The following NUSAP1 variants were observed in gnomAD, a reference collection of about 807,000 sequenced individuals.
NUSAP1 encodes nucleolar and spindle-associated protein 1.
In NUSAP1, 32 loss-of-function variants were observed where a neutral mutation model predicts 52.8. The observed-to-expected ratio is 0.61, with a 90% CI of 0.46 to 0.81. The LOEUF is 0.81. Among genes scored for constraint, NUSAP1 ranks in the 40% least tolerant of loss-of-function variants. NUSAP1 has a pLI of 0.00. For synonymous variants in NUSAP1, 195 were observed against 183.1 expected (o/e 1.06, Z -0.52); for missense variants, 499 against 522.3 (o/e 0.96, Z 0.43).
intron 1 of NUSAP1, among the ~76,000 whole-genome samples, chr15:41,338,577 C>A (rs2048258715): frequency 6.6e-6 from 1 of 152,190 alleles, no homozygotes; most frequent in Non-Finnish European, 1.5e-5. Flanking sequence ...CCCTATTGGG[C>A]TTCCTGCCTC....
intron 7 of NUSAP1, among the ~76,000 whole-genome samples, chr15:41,370,368 C>T (rs1167191435): frequency 1.3e-5 from 2 of 152,002 alleles, no homozygotes; most frequent in Non-Finnish European, 2.9e-5. Context: ...GGCGACATAG[C>T]GAGACTCCGT....
intron 10 of NUSAP1, among the ~76,000 whole-genome samples, chr15:41,379,333 G>A (rs1182122180): frequency 6.8e-6 from 1 of 146,760 alleles, no homozygotes; most frequent in Non-Finnish European, 1.5e-5. Flanking sequence ...CTTACTTTTT[G>A]TCACCCAGAC....
intron 6 of NUSAP1, 78 bp downstream of exon 6, chr15:41,358,336 C>A: frequency 1.5e-6 from 1 of 676,722 alleles, no homozygotes; most frequent in Non-Finnish European, 2.6e-6. Flanking sequence ...ACCGTGGTTA[C>A]AACAACTGGC....
intron 6 of NUSAP1, among the ~76,000 whole-genome samples, chr15:41,360,235 T>G (rs148952705): frequency 3.2e-4 from 49 of 152,156 alleles, no homozygotes; most frequent in Middle Eastern, 3.4e-3. Context: ...ACCTCCTGGA[T>G]TCAAGTGATT....
intron 2 of NUSAP1, among the ~76,000 whole-genome samples, chr15:41,347,883 G>A (rs897191876): frequency 1.3e-5 from 2 of 151,742 alleles, no homozygotes; most frequent in Non-Finnish European, 2.9e-5. Flanking sequence ...AACATTTTGC[G>A]AGGCCAAGGC....
chr15:41,352,782 G>C (rs191322115), intron 4 of NUSAP1, among the ~76,000 whole-genome samples: 45 of 151,892 alleles, frequency 3.0e-4, no homozygotes, highest in African/African-American at 9.9e-4. Context: ...GTCTCAAACT[G>C]CTGAGCTCAA....
intron 8 of NUSAP1, among the ~76,000 whole-genome samples, chr15:41,373,277 C>T (rs930394333): frequency 2.0e-5 from 3 of 151,514 alleles, no homozygotes; most frequent in Non-Finnish European, 4.4e-5. Flanking sequence ...GCCTGTAATC[C>T]CAGCTACTCA....
intron 2 of NUSAP1, among the ~76,000 whole-genome samples, chr15:41,348,842 C>T (rs1191081461): frequency 6.6e-6 from 1 of 151,452 alleles, no homozygotes; most frequent in African/African-American, 2.4e-5. Flanking sequence ...TTCACTATGT[C>T]AACCAGGCTG....
chr15:41,365,166 G>T (rs1051636571), intron 6 of NUSAP1, among the ~76,000 whole-genome samples: 7 of 152,028 alleles, frequency 4.6e-5, no homozygotes, highest in African/African-American at 1.7e-4. Flanking sequence ...CTTTTTGTTT[G>T]TTTTTTGTTT....
chr15:41,335,481 AGTGT>A (rs2048086577), intron 1 of NUSAP1, among the ~76,000 whole-genome samples: 1 of 138,642 alleles, frequency 7.2e-6, no homozygotes. Context: ...TTTAGTATTT[AGTGT>A]GTATTAGTAT....
At chr15:41,348,939 C>A (rs1038041356) in intron 2 of NUSAP1, among the ~76,000 whole-genome samples, 159 bp from the exon 3 acceptor site, 1 of 152,196 alleles carries the variant, frequency 6.6e-6, no homozygotes, top group African/African-American at 2.4e-5. Flanking sequence ...GGCCTAAATA[C>A]TCTATAATTC....
At chr15:41,364,026 C>T (rs933004895) in intron 6 of NUSAP1, among the ~76,000 whole-genome samples, 1 of 151,978 alleles carries the variant, frequency 6.6e-6, no homozygotes, top group African/African-American at 2.4e-5. Flanking sequence ...GAGACAAGAT[C>T]TCCTAATGTT....
At chr15:41,351,208 A>G (rs2048766373) in intron 4 of NUSAP1, 79 bp downstream of exon 4, 1 of 1,430,416 alleles carries the variant, frequency 7.0e-7, no homozygotes, top group African/African-American at 1.4e-5. Context: ...TTAATTTCCT[A>G]GGACTGTTGT....
At position 41,350,718 on chromosome 15, in the gene NUSAP1, G is replaced by A. The variant is rs114955445; in HGVS notation, c.307-270G>A. 3.6e-3 allele frequency among the ~76,000 whole-genome samples: 542 copies of A among 152,246 alleles called. 6 individuals are homozygous for A. Among genetic ancestry groups the A allele is most frequent in the African/African-American group, 0.012 (517 of 41,560 alleles). ...CTGCCTCAATGTAGTCACTTGCTCA[G>A]TAGACTGTCTAGGTTTCTTCATTTG... is the stretch of plus-strand genomic sequence containing the variant. On this transcript the variant is annotated intron_variant, in intron 3 of 10. Coordinates refer to ENST00000559596, the MANE Select transcript of NUSAP1 (RefSeq NM_016359.5).
At chr15:41,354,685 A>ATATATG (rs2140663244) in intron 4 of NUSAP1, among the ~76,000 whole-genome samples, 1 of 150,546 alleles carries the variant, frequency 6.6e-6, no homozygotes, top group African/African-American at 2.4e-5. Context: ...ATATATATAT[A>ATATATG]TATATGTTTA....
intron 2 of NUSAP1, chr15:41,343,109 C>T: frequency 6.6e-6 from 1 of 152,164 alleles, no homozygotes; most frequent in East Asian, 1.9e-4. Context: ...TCATTTATTT[C>T]TCTGCAACAT....
chr15:41,363,806 A>G (rs1461079852), intron 6 of NUSAP1, among the ~76,000 whole-genome samples: 1 of 152,220 alleles, frequency 6.6e-6, no homozygotes, highest in Non-Finnish European at 1.5e-5. Flanking sequence ...ACTAATGATA[A>G]TAAGATATTC....
At chr15:41,375,579 G>A in intron 8 of NUSAP1, 133 bp from the exon 9 acceptor site, 2 of 613,090 alleles carry the variant, frequency 3.3e-6, no homozygotes, top group South Asian at 3.8e-5. Flanking sequence ...CCAAAGTGCT[G>A]GGATTACAGG....
Position 41,380,620 on chromosome 15 carries a change from C to T in NUSAP1, c.*434C>T, listed in dbSNP as rs1485181976. On this transcript the variant is annotated 3_prime_UTR_variant, in exon 11 of 11. Transcript: ENST00000559596. Reference sequence around the variant, plus strand: ...GTAAGCTGGGATAGAAAGGCCACCTCTTCACTCTCTATAGAATATAGTAAC... The same window carrying T: ...GTAAGCTGGGATAGAAAGGCCACCTTTTCACTCTCTATAGAATATAGTAAC... 2 of 160,360 alleles carry T rather than the reference C, an allele frequency of 1.2e-5. No individual in the cohort carries two copies. The highest frequency in any genetic ancestry group is 4.8e-5 in the African/African-American group (2 of 41,482). 9.9% of individuals were successfully genotyped at this position (160,360 alleles called of 1,614,324 possible).
Sources: allele counts gnomAD v4.1 joint callset (sites outside exome capture counted in the v4.1 genomes callset), GRCh38; gene constraint gnomAD v4.1.1; transcripts MANE v1.5; gene names NCBI Gene and HGNC (gene_info 2026-07-23, HGNC 2026-07-21).